The following GCSH variants were observed in gnomAD, a reference collection of about 807,000 sequenced individuals.
The protein encoded by GCSH is glycine cleavage system protein H.
A neutral mutation model predicts 21.3 loss-of-function variants in GCSH; 15 were observed. The ratio of observed to expected loss-of-function variants is 0.70; its 90% CI spans 0.47 to 1.08. The LOEUF (loss-of-function observed/expected upper bound fraction) is 1.08. Ranked by LOEUF, GCSH falls within the 50% of genes least tolerant of loss-of-function variation. The pLI, the probability that GCSH is intolerant of heterozygous loss-of-function variation, is 0.00. For synonymous variants in GCSH, 59 were observed against 84.5 expected, an observed-to-expected ratio of 0.70 and a Z score of 1.66; for missense variants, 179 against 217.5, an observed-to-expected ratio of 0.82 and a Z score of 1.11.
chr16:81,087,343 T>C (rs1380145433), intron 3 of GCSH, among the ~76,000 whole-genome samples: 1 of 151,982 alleles, frequency 6.6e-6, no homozygotes, highest in Admixed American at 6.6e-5. Flanking sequence ...CTTGCCAACA[T>C]GGGGAAACTC....
intron 1 of GCSH, among the ~76,000 whole-genome samples, chr16:81,094,092 G>A (rs1368634822): frequency 2.0e-5 from 3 of 151,914 alleles, no homozygotes; most frequent in Non-Finnish European, 2.9e-5. Context: ...TAGAGACAGG[G>A]TTTCACCATG....
At chr16:81,096,023 C>T (rs1972499348) in intron 1 of GCSH, 108 bp downstream of exon 1, 1 of 962,806 alleles carries the variant, frequency 1.0e-6, no homozygotes, top group Admixed American at 4.3e-5. Context: ...GCTCGCTCCG[C>T]CCCGGTGGCT....
chr16:81,092,961 G>C (rs769404410), intron 1 of GCSH, among the ~76,000 whole-genome samples: 1 of 151,664 alleles, frequency 6.6e-6, no homozygotes, highest in Non-Finnish European at 1.5e-5. Flanking sequence ...GTGAAACCAA[G>C]TCCCTACTAA....
intron 2 of GCSH, among the ~76,000 whole-genome samples, chr16:81,090,142 G>A (rs28472979): frequency 0.034 from 5,148 of 150,936 alleles, 243 homozygotes; most frequent in African/African-American, 0.11. Flanking sequence ...CCAGGCTAGA[G>A]TGTAGTGGTG....
At chr16:81,088,655 C>A (rs137885888) in intron 2 of GCSH, among the ~76,000 whole-genome samples, 1 of 152,180 alleles carries the variant, frequency 6.6e-6, no homozygotes, top group African/African-American at 2.4e-5. Context: ...CTTGCCTCGG[C>A]CTTCCAAAGT....
chr16:81,096,293 G>C lies in GCSH; in HGVS notation c.-15C>G, dbSNP rs910012408. 2.2e-6 allele frequency: 3 copies of C among 1,362,986 alleles called. No homozygotes were observed. The highest frequency in any genetic ancestry group is 1.9e-6 in the Non-Finnish European group (2 of 1,062,978). The allele number at this position is 1,362,986 out of a possible 1,614,324, so 84.4% of individuals were successfully genotyped here. A position where few individuals can be genotyped will look rare whatever the true frequency, so the allele number is the denominator to read the frequency against. On this transcript the variant is annotated 5_prime_UTR_variant, in exon 1 of 5. Coordinates refer to ENST00000315467, the MANE Select transcript of GCSH (RefSeq NM_004483.5). ...CGCAGCGCCATGTTCGCAGGGGTGC[G>C]GGGGTCGCAGCGCTACGCCTCGGCC...
intron 4 of GCSH, chr16:81,083,926 A>T (rs1010196181): frequency 6.4e-6 from 1 of 155,688 alleles, no homozygotes; most frequent in African/African-American, 2.4e-5. Context: ...AAGAATCTAC[A>T]ACTGATATCA....
chr16:81,083,378 C>T lies in GCSH; in HGVS notation c.425-415G>A, dbSNP rs1048035531. On this transcript the variant is annotated intron_variant, in intron 4 of 4. Transcript: ENST00000315467. ...ACCAAAACCACAAAAATTAGCTGGGCGTGGTGGCAGTTGCCCTTGATCCCA... is the reference window on the plus strand; with the variant it reads ...ACCAAAACCACAAAAATTAGCTGGGTGTGGTGGCAGTTGCCCTTGATCCCA... 5.4e-4 allele frequency: 116 copies of T among 216,616 alleles called. 1 individual carries two copies. The highest frequency in any genetic ancestry group is 2.2e-4 in the Non-Finnish European group (24 of 107,544). The allele number at this position is 216,616 out of a possible 1,614,324, so 13.4% of individuals were successfully genotyped here. A position where few individuals can be genotyped will look rare whatever the true frequency, so the allele number is the denominator to read the frequency against.
intron 2 of GCSH, among the ~76,000 whole-genome samples, chr16:81,089,604 G>A (rs530886761): frequency 4.6e-5 from 7 of 152,122 alleles, no homozygotes; most frequent in Non-Finnish European, 7.3e-5. Flanking sequence ...CGCAATCCCC[G>A]AGGAGGCAGT....
Position 81,096,353 on chromosome 16 carries a change from T to A in GCSH, c.-75A>T, listed in dbSNP as rs998357035. 9 of 1,291,360 alleles carry A rather than the reference T, an allele frequency of 7.0e-6. No homozygotes were observed. Among genetic ancestry groups the A allele is most frequent in the African/African-American group, 1.6e-5 (1 of 63,538 alleles). 80.0% of individuals were successfully genotyped at this position (1,291,360 alleles called of 1,614,324 possible). A position where few individuals can be genotyped will look rare whatever the true frequency, so the allele number is the denominator to read the frequency against. On this transcript the variant is annotated 5_prime_UTR_variant, in exon 1 of 5. Transcript: ENST00000315467. ...GGGAGGCGGGGCGGGGAGGGGCAGT[T>A]CGCGGCCGGAGGGAGCCGGCTGGAT... is the stretch of plus-strand genomic sequence containing the variant.
At chr16:81,092,118 G>C (rs544216943) in intron 1 of GCSH, among the ~76,000 whole-genome samples, 1 of 152,170 alleles carries the variant, frequency 6.6e-6, no homozygotes, top group Admixed American at 6.6e-5. Flanking sequence ...TGTTTTGACT[G>C]AAAGACTCTC....
At chr16:81,084,661 C>G (rs56119129) in intron 3 of GCSH, 67 bp from the exon 4 acceptor site, 3 of 1,197,942 alleles carry the variant, frequency 2.5e-6, no homozygotes, top group Non-Finnish European at 3.6e-6. Context: ...ACATAAAATA[C>G]GAAAAAGTAG....
intron 1 of GCSH, 150 bp from the exon 2 acceptor site, chr16:81,090,830 A>C: frequency 1.4e-6 from 1 of 702,834 alleles, no homozygotes; most frequent in Non-Finnish European, 2.6e-6. Flanking sequence ...GGAAAGAATG[A>C]AGATCATGTA....
chr16:81,084,905 C>T (rs541732138), intron 3 of GCSH, among the ~76,000 whole-genome samples: 8 of 150,520 alleles, frequency 5.3e-5, no homozygotes, highest in South Asian at 2.1e-4. Flanking sequence ...GTAGTAGAGA[C>T]GGGGTTTCAC....
intron 1 of GCSH, among the ~76,000 whole-genome samples, chr16:81,093,193 T>C (rs142131808): frequency 0.011 from 1,599 of 151,194 alleles, 25 homozygotes; most frequent in African/African-American, 0.036. Context: ...CTGAGGAAAA[T>C]AGATAGTATA....
chr16:81,089,207 C>CA (rs1972343896), intron 2 of GCSH, among the ~76,000 whole-genome samples: 1 of 152,158 alleles, frequency 6.6e-6, no homozygotes, highest in South Asian at 2.1e-4. Flanking sequence ...ATCACTTGTC[C>CA]AAAATGCTTG....
intron 4 of GCSH, 176 bp downstream of exon 4, chr16:81,084,287 T>TA (rs1972227124): frequency 1.5e-6 from 1 of 677,070 alleles, no homozygotes; most frequent in Admixed American, 2.6e-5. Context: ...CCAGAAATCT[T>TA]AAACATAACT....
At position 81,083,246 on chromosome 16, in the gene GCSH, G is replaced by A. The variant is rs1026480749; in HGVS notation, c.425-283C>T. 11 of 394,208 alleles carry A rather than the reference G, an allele frequency of 2.8e-5. No homozygotes were observed. The East Asian group carries it at 3.6e-4, about 13-fold the overall frequency. 24.4% of individuals were successfully genotyped at this position (394,208 alleles called of 1,614,324 possible). Reference sequence around the variant, plus strand: ...ATTTAAATCTTTAAGGGCCGGGCACGGTGGCTCATGCCTGTAATCCCAGTA... The same window carrying A: ...ATTTAAATCTTTAAGGGCCGGGCACAGTGGCTCATGCCTGTAATCCCAGTA... On this transcript the variant is annotated intron_variant, in intron 4 of 4. Coordinates refer to ENST00000315467, the MANE Select transcript of GCSH (RefSeq NM_004483.5).
intron 3 of GCSH, 113 bp from the exon 4 acceptor site, chr16:81,084,707 A>G (rs921627417): frequency 1.9e-5 from 15 of 804,480 alleles, no homozygotes; most frequent in African/African-American, 1.5e-4. Flanking sequence ...AAAATTCCAA[A>G]TTTCTTTTTT....
Sources: allele counts gnomAD v4.1 joint callset (sites outside exome capture counted in the v4.1 genomes callset), GRCh38; gene constraint gnomAD v4.1.1; transcripts MANE v1.5; gene names NCBI Gene and HGNC (gene_info 2026-07-23, HGNC 2026-07-21).